FOXP2: variants seen among roughly 807,000 people sequenced by gnomAD.
The protein encoded by FOXP2 is forkhead box protein P2.
A neutral mutation model predicts 115.8 loss-of-function variants in FOXP2; 12 were observed. That is an observed-to-expected ratio of 0.10 (90% confidence interval 0.07 to 0.17). The LOEUF (loss-of-function observed/expected upper bound fraction) is 0.17. Among genes scored for constraint, FOXP2 ranks in the 10% least tolerant of loss-of-function variants. FOXP2 has a pLI of 1.00. For synonymous variants in FOXP2, 328 were observed against 297.7 expected (o/e 1.10, Z -1.05); for missense variants, 629 against 843.5 (o/e 0.75, Z 3.15).
At chr7:114,518,777 A>G (rs1798470149) in intron 2 of FOXP2, among the ~76,000 whole-genome samples, 1 of 152,156 alleles carries the variant, frequency 6.6e-6, no homozygotes, top group South Asian at 2.1e-4. Context: ...AAGTGCTGGG[A>G]TTATGGGCAT....
chr7:114,229,509 G>T (rs1794821142), intron 1 of FOXP2, among the ~76,000 whole-genome samples: 1 of 151,672 alleles, frequency 6.6e-6, no homozygotes, highest in East Asian at 1.9e-4. Flanking sequence ...CATAAAACAA[G>T]TTTGCAAATG....
At chr7:114,439,442 A>G (rs1421374483) in intron 2 of FOXP2, among the ~76,000 whole-genome samples, 1 of 152,218 alleles carries the variant, frequency 6.6e-6, no homozygotes. Context: ...TTGATTAATC[A>G]TTACTTCAGA....
chr7:114,499,244 T>A (rs574698298), intron 2 of FOXP2: 1 of 262,750 alleles, frequency 3.8e-6, no homozygotes, highest in African/African-American at 2.2e-5. Context: ...GCATGCAGGA[T>A]ACACACTTCA....
intron 2 of FOXP2, chr7:114,288,238 G>C (rs551752617): frequency 2.6e-6 from 1 of 381,074 alleles, no homozygotes; most frequent in East Asian, 7.2e-5. Context: ...TGTTTTCAGC[G>C]GACAATTGAG....
At chr7:114,639,106 T>A (rs941742729) in intron 6 of FOXP2, among the ~76,000 whole-genome samples, 4 of 152,196 alleles carry the variant, frequency 2.6e-5, no homozygotes, top group Admixed American at 1.3e-4. Flanking sequence ...AAAACTGAGT[T>A]ACCAGTAACA....
At chr7:114,564,155 C>A (rs1800886933) in intron 3 of FOXP2, among the ~76,000 whole-genome samples, 1 of 152,190 alleles carries the variant, frequency 6.6e-6, no homozygotes, top group South Asian at 2.1e-4. Context: ...CCTTGTCTCT[C>A]AGCAGCTGGC....
At chr7:114,536,397 C>CTTTTTTTTTTTTTTTTTTTTT (rs3997242) in intron 3 of FOXP2, among the ~76,000 whole-genome samples, 2 of 112,372 alleles carry the variant, frequency 1.8e-5, no homozygotes, top group Admixed American at 9.4e-5. Flanking sequence ...TTTTTCTTTT[C>CTTTTTTTTTTTTTTTTTTTTT]TTTTTTTTTT....
At chr7:114,489,016 C>T (rs1050673803) in intron 2 of FOXP2, among the ~76,000 whole-genome samples, 1 of 152,040 alleles carries the variant, frequency 6.6e-6, no homozygotes, top group Non-Finnish European at 1.5e-5. Flanking sequence ...GGTTACTCCA[C>T]CTGCAAAAAC....
chr7:114,391,357 A>C (rs1172451974), intron 2 of FOXP2, among the ~76,000 whole-genome samples: 4 of 152,190 alleles, frequency 2.6e-5, no homozygotes, highest in Non-Finnish European at 2.9e-5. Flanking sequence ...AGACTGGGTG[A>C]GTTAAGATTC....
intron 6 of FOXP2, among the ~76,000 whole-genome samples, chr7:114,635,499 T>C (rs189004874): frequency 3.3e-5 from 5 of 152,308 alleles, no homozygotes; most frequent in African/African-American, 2.4e-5. Flanking sequence ...TTAATGTACA[T>C]TTATTATTGC....
intron 1 of FOXP2, among the ~76,000 whole-genome samples, chr7:114,145,326 A>G (rs1301183956): frequency 6.6e-6 from 1 of 152,166 alleles, no homozygotes. Flanking sequence ...TAAATCTTCC[A>G]TTTTAGACCT....
chr7:114,287,556 G>A (rs1378330353), intron 1 of FOXP2, among the ~76,000 whole-genome samples: 2 of 152,014 alleles, frequency 1.3e-5, no homozygotes, highest in Non-Finnish European at 2.9e-5. Context: ...TTGTGATTAT[G>A]AGGAGTAAAT....
intron 1 of FOXP2, among the ~76,000 whole-genome samples, chr7:114,093,544 G>A (rs1353514952): frequency 6.6e-6 from 1 of 151,986 alleles, no homozygotes; most frequent in Non-Finnish European, 1.5e-5. Context: ...AGTAAATGTC[G>A]AATGAAGGAA....
chr7:114,221,150 A>G (rs959763686), intron 1 of FOXP2, among the ~76,000 whole-genome samples: 2 of 152,160 alleles, frequency 1.3e-5, no homozygotes, highest in Admixed American at 1.3e-4. Flanking sequence ...TCAGGTTTCT[A>G]TGATTTTAAT....
At chr7:114,468,573 A>G (rs922903575) in intron 2 of FOXP2, among the ~76,000 whole-genome samples, 1 of 152,040 alleles carries the variant, frequency 6.6e-6, no homozygotes, top group Non-Finnish European at 1.5e-5. Flanking sequence ...GGTCCTCGCT[A>G]TAATGCCTGT....
chr7:114,385,258 T>G (rs1792416887), intron 2 of FOXP2, among the ~76,000 whole-genome samples: 3 of 152,038 alleles, frequency 2.0e-5, no homozygotes, highest in Admixed American at 6.5e-5. Flanking sequence ...GAGATACAAC[T>G]TGCTAGAGGA....
At chr7:114,274,867 C>G (rs1460490887) in intron 1 of FOXP2, among the ~76,000 whole-genome samples, 1 of 151,682 alleles carries the variant, frequency 6.6e-6, no homozygotes, top group African/African-American at 2.4e-5. Flanking sequence ...GTTACCTAGG[C>G]TGGTCTGGAA....
At chr7:114,372,364 C>T (rs1165118444) in intron 2 of FOXP2, among the ~76,000 whole-genome samples, 1 of 151,960 alleles carries the variant, frequency 6.6e-6, no homozygotes, top group Non-Finnish European at 1.5e-5. Context: ...AAATTTTCAT[C>T]CAATCTTGTA....
chr7:114,249,755 G>C (rs777772206), intron 1 of FOXP2, among the ~76,000 whole-genome samples: 49 of 151,668 alleles, frequency 3.2e-4, no homozygotes, highest in Non-Finnish European at 5.9e-4. Flanking sequence ...GGGTCAAATG[G>C]TATTTCTGGT....
Sources: gnomAD v4.1 joint callset for allele counts (sites outside exome capture counted in the v4.1 genomes callset) on GRCh38, gnomAD v4.1.1 for gene constraint, MANE v1.5 for transcripts, NCBI Gene and HGNC (gene_info 2026-07-23, HGNC 2026-07-21) for gene names.